The following TRPM3 variants were observed in gnomAD, a reference collection of about 807,000 sequenced individuals.
TRPM3 encodes the protein transient receptor potential cation channel subfamily M member 3, also known as long transient receptor potential channel 3.
In TRPM3, 77 loss-of-function variants were observed where a neutral mutation model predicts 181.2. That is an observed-to-expected ratio of 0.42 (90% CI 0.35 to 0.51). The LOEUF (loss-of-function observed/expected upper bound fraction) is 0.51. Ranked by LOEUF, TRPM3 falls within the 20% of genes least tolerant of loss-of-function variation. TRPM3 has a pLI of 0.01. For missense variants in TRPM3, 1,759 were observed against 2,196.7 expected (o/e 0.80, Z 3.98); for synonymous variants, 745 against 796.4 (o/e 0.94, Z 1.09).
chr9:71,184,952 TACAC>T (rs1565315459), intron 1 of TRPM3, among the ~76,000 whole-genome samples: 1 of 152,082 alleles, frequency 6.6e-6, no homozygotes, highest in African/African-American at 2.4e-5. Flanking sequence ...TAGAAACACA[TACAC>T]ACACAAATAC....
Position 70,655,957 on chromosome 9 carries a change from C to T in TRPM3, c.1346-15297G>A, listed in dbSNP as rs574783323. 3.4e-4 allele frequency among the ~76,000 whole-genome samples: 52 copies of T among 152,248 alleles called. No individual in the cohort carries two copies. In the South Asian group the frequency reaches 0.011, roughly 31 times the overall value. On this transcript the variant is annotated intron_variant, in intron 9 of 25. Coordinates refer to ENST00000677713, the MANE Select transcript of TRPM3 (RefSeq NM_001366145.2). ...ATGTTGCGTACACAACGTTTCACTA[C>T]TGAAAACATATAAAAGAGCTCTAAT...
chr9:71,415,556 A>C (rs1043350114), intron 1 of TRPM3, among the ~76,000 whole-genome samples: 1 of 152,110 alleles, frequency 6.6e-6, no homozygotes, highest in Non-Finnish European at 1.5e-5. Flanking sequence ...TAAGGAAATA[A>C]ATCACCTAGT....
At chr9:70,913,076 C>G (rs1589727977) in intron 1 of TRPM3, among the ~76,000 whole-genome samples, 1 of 152,260 alleles carries the variant, frequency 6.6e-6, no homozygotes, top group South Asian at 2.1e-4. Context: ...AAATGTAGAA[C>G]AGGGCTTGTA....
intron 3 of TRPM3, among the ~76,000 whole-genome samples, chr9:70,852,757 T>C (rs2095274395): frequency 6.6e-6 from 1 of 152,136 alleles, no homozygotes; most frequent in Admixed American, 6.5e-5. Flanking sequence ...ATCTTGCCAA[T>C]TCTGAGGCTT....
At chr9:71,290,058 A>G (rs1057132041) in intron 1 of TRPM3, among the ~76,000 whole-genome samples, 20 of 139,238 alleles carry the variant, frequency 1.4e-4, no homozygotes, top group Admixed American at 1.4e-3. Context: ...TACAACTATG[A>G]TATGTCAGTT....
intron 1 of TRPM3, among the ~76,000 whole-genome samples, chr9:71,020,890 G>A (rs2097842088): frequency 6.6e-6 from 1 of 152,096 alleles, no homozygotes; most frequent in South Asian, 2.1e-4. Context: ...TATGCCCAAT[G>A]GGAAGTTTAT....
At chr9:71,200,543 G>A (rs1365842084) in intron 1 of TRPM3, among the ~76,000 whole-genome samples, 1 of 152,138 alleles carries the variant, frequency 6.6e-6, no homozygotes, top group Non-Finnish European at 1.5e-5. Flanking sequence ...CTTGCTTTAT[G>A]AATCTGGGTG....
chr9:70,882,790 T>C lies in TRPM3; in HGVS notation c.178-18279A>G, dbSNP rs75183358. On this transcript the variant is annotated intron_variant, in intron 1 of 25. Coordinates refer to ENST00000677713, the MANE Select transcript of TRPM3 (RefSeq NM_001366145.2). Reference sequence around the variant, plus strand: ...ATCATATGAGGTCTACCTTGAATTGTTGAGGTAGTGCACCTTGAAAGATTT... The same window carrying C: ...ATCATATGAGGTCTACCTTGAATTGCTGAGGTAGTGCACCTTGAAAGATTT... 3.9e-3 allele frequency among the ~76,000 whole-genome samples: 596 copies of C among 152,276 alleles called. 6 individuals are homozygous for C. The highest frequency in any genetic ancestry group is 0.013 in the African/African-American group (550 of 41,560).
At chr9:71,301,994 G>A (rs2086820582) in intron 1 of TRPM3, among the ~76,000 whole-genome samples, 4 of 152,050 alleles carry the variant, frequency 2.6e-5, no homozygotes, top group African/African-American at 7.2e-5. Context: ...CAGCGTTTGT[G>A]TTTATGCCCC....
At chr9:71,368,017 T>TAC (rs2092394755) in intron 1 of TRPM3, among the ~76,000 whole-genome samples, 1 of 151,816 alleles carries the variant, frequency 6.6e-6, no homozygotes. Flanking sequence ...AGTGTATGTG[T>TAC]ACACACACAC....
chr9:71,003,084 A>T (rs1381929399), intron 1 of TRPM3, among the ~76,000 whole-genome samples: 2 of 151,882 alleles, frequency 1.3e-5, no homozygotes, highest in Non-Finnish European at 2.9e-5. Flanking sequence ...TGTTACATTG[A>T]CATTTTAAAA....
At chr9:70,998,126 T>A (rs1002457942) in intron 1 of TRPM3, among the ~76,000 whole-genome samples, 1 of 108,136 alleles carries the variant, frequency 9.2e-6, no homozygotes, top group Non-Finnish European at 2.0e-5. Flanking sequence ...ATTGTTTATA[T>A]ATATACATAT....
intron 1 of TRPM3, among the ~76,000 whole-genome samples, chr9:71,227,578 A>T (rs1293617545): frequency 6.6e-6 from 1 of 152,092 alleles, no homozygotes; most frequent in Non-Finnish European, 1.5e-5. Flanking sequence ...AACAAAATTG[A>T]CAAACCTTTA....
At chr9:70,876,179 A>G (rs533731896) in intron 1 of TRPM3, among the ~76,000 whole-genome samples, 13 of 151,816 alleles carry the variant, frequency 8.6e-5, no homozygotes, top group African/African-American at 2.7e-4. Context: ...ACCAAAGCCT[A>G]TATCTTACTG....
At position 71,403,645 on chromosome 9, in the gene TRPM3, G is replaced by A. The variant is rs563426271; in HGVS notation, c.183+43008C>T. Among the ~76,000 whole-genome samples, 46 of 152,228 alleles carry A rather than the reference G, an allele frequency of 3.0e-4. 1 individual carries two copies. The highest frequency in any genetic ancestry group is 4.8e-4 in the African/African-American group (20 of 41,556). On this transcript the variant is annotated intron_variant, in intron 1 of 24. Transcript: ENST00000357533. ...CTTGATGAATGAGCAAACAAAAAAC[G>A]TATATGCATAAAGAATTAAAGTGAA...
chr9:71,327,243 G>A (rs1008512147), intron 1 of TRPM3, among the ~76,000 whole-genome samples: 10 of 152,128 alleles, frequency 6.6e-5, no homozygotes, highest in African/African-American at 2.4e-4. Flanking sequence ...AATGTTATGG[G>A]GAGCAAAATG....
chr9:71,416,745 A>C (rs1343054911), intron 1 of TRPM3, among the ~76,000 whole-genome samples: 1 of 151,938 alleles, frequency 6.6e-6, no homozygotes, highest in Non-Finnish European at 1.5e-5. Context: ...GCCCATTTAA[A>C]TGTATATTTC....
intron 8 of TRPM3, among the ~76,000 whole-genome samples, chr9:70,751,117 A>T (rs771842497): frequency 6.6e-6 from 1 of 152,182 alleles, no homozygotes; most frequent in African/African-American, 2.4e-5. Flanking sequence ...CTAATTTACC[A>T]CTAAAAATAG....
rs184435532 is a variant in TRPM3, at chr9:71,337,152, C to A, written c.183+109501G>T. ...TCTGCACAACACAAGAGACTATCAT[C>A]AGAGTGAACAGGCAACCTACAGAAT... On this transcript the variant is annotated intron_variant, in intron 1 of 24. Transcript: ENST00000357533. Among the ~76,000 whole-genome samples, 25 of 152,196 alleles carry A rather than the reference C, an allele frequency of 1.6e-4. No homozygotes were observed. In the East Asian group the frequency reaches 4.6e-3, roughly 28 times the overall value.
Sources: gnomAD v4.1 joint callset for allele counts (sites outside exome capture counted in the v4.1 genomes callset) on GRCh38, gnomAD v4.1.1 for gene constraint, MANE v1.5 for transcripts, NCBI Gene and HGNC (gene_info 2026-07-23, HGNC 2026-07-21) for gene names.